Variants in SYT2 observed in about 807,000 individuals in gnomAD.
The protein encoded by SYT2 is synaptotagmin-2.
A neutral mutation model predicts 39.9 loss-of-function variants in SYT2; 15 were observed. The ratio of observed to expected loss-of-function variants is 0.38; its 90% CI spans 0.25 to 0.58. SYT2 has a LOEUF of 0.58. SYT2 is among the 20% of genes least tolerant of loss of function. The pLI, the probability that SYT2 is intolerant of heterozygous loss-of-function variation, is 0.70. For synonymous variants in SYT2, 181 were observed against 204.5 expected, an observed-to-expected ratio of 0.89 and a Z score of 0.98; for missense variants, 389 against 530.3, an observed-to-expected ratio of 0.73 and a Z score of 2.62.
At chr1:202,661,322 C>T (rs1692375281) in intron 1 of SYT2, among the ~76,000 whole-genome samples, 1 of 151,614 alleles carries the variant, frequency 6.6e-6, no homozygotes, top group African/African-American at 2.4e-5. Flanking sequence ...TACTGGGTGG[C>T]ACCTACTGGG....
At chr1:202,675,634 A>C (rs928191754) in intron 1 of SYT2, among the ~76,000 whole-genome samples, 7 of 152,160 alleles carry the variant, frequency 4.6e-5, no homozygotes, top group Non-Finnish European at 8.8e-5. Flanking sequence ...ACCGAGCAGG[A>C]AGAATCCCAG....
intron 2 of SYT2, 85 bp from the exon 3 acceptor site, chr1:202,604,706 AAT>A: frequency 7.3e-7 from 1 of 1,363,044 alleles, no homozygotes; most frequent in Non-Finnish European, 1.0e-6. Context: ...ATGGGTGAGG[AAT>A]ATGACTGCCA....
intron 1 of SYT2, among the ~76,000 whole-genome samples, chr1:202,669,934 T>C (rs1692557779): frequency 1.3e-5 from 2 of 152,052 alleles, no homozygotes; most frequent in Non-Finnish European, 2.9e-5. Flanking sequence ...CTTATCCTCA[T>C]TGGTGTAAAA....
chr1:202,604,425 C>T (rs771233303), intron 3 of SYT2, 30 bp downstream of exon 3: 8 of 1,608,832 alleles, frequency 5.0e-6, no homozygotes, highest in Middle Eastern at 1.6e-4. Context: ...TGAGCCCCTT[C>T]CAGTCCCCCT....
intron 1 of SYT2, chr1:202,630,345 C>G: frequency 3.0e-6 from 3 of 984,702 alleles, no homozygotes; most frequent in Non-Finnish European, 3.6e-6. Context: ...GGAACACAGA[C>G]CCCAATAGAG....
chr1:202,630,941 A>G (rs1277091968), intron 1 of SYT2, among the ~76,000 whole-genome samples: 8 of 152,092 alleles, frequency 5.3e-5, no homozygotes, highest in East Asian at 1.9e-4. Flanking sequence ...GGTGACAAAC[A>G]CTGTGTCCTG....
At chr1:202,684,671 GTC>G (rs1458009446) in intron 1 of SYT2, among the ~76,000 whole-genome samples, 2 of 152,156 alleles carry the variant, frequency 1.3e-5, no homozygotes, top group African/African-American at 4.8e-5. Flanking sequence ...GTCTCTGGGT[GTC>G]TCTGCTCCAA....
intron 1 of SYT2, among the ~76,000 whole-genome samples, chr1:202,690,107 C>CCCACTCTG (rs1350242121): frequency 1.3e-5 from 2 of 152,146 alleles, no homozygotes; most frequent in Non-Finnish European, 2.9e-5. Flanking sequence ...GAGACCTACA[C>CCCACTCTG]CCACTCTGCC....
At chr1:202,648,686 G>A (rs1692136865) in intron 1 of SYT2, among the ~76,000 whole-genome samples, 1 of 152,182 alleles carries the variant, frequency 6.6e-6, no homozygotes, top group South Asian at 2.1e-4. Context: ...GGGCTACCTG[G>A]GGGCTAAAGA....
chr1:202,675,065 C>T (rs1653329702), intron 1 of SYT2, among the ~76,000 whole-genome samples: 1 of 152,140 alleles, frequency 6.6e-6, no homozygotes, highest in Non-Finnish European at 1.5e-5. Flanking sequence ...TTACAGCATC[C>T]CCTGAACAGT....
At chr1:202,639,762 G>C in intron 1 of SYT2, 1 of 985,464 alleles carries the variant, frequency 1.0e-6, no homozygotes, top group South Asian at 4.7e-5. Context: ...CCATGACGAA[G>C]ACTAGAGCAT....
chr1:202,708,375 C>T (rs1441721420), intron 1 of SYT2, among the ~76,000 whole-genome samples: 1 of 151,942 alleles, frequency 6.6e-6, no homozygotes, highest in Non-Finnish European at 1.5e-5. Flanking sequence ...AGAAACTTTC[C>T]TCTGCCTCCC....
intron 1 of SYT2, among the ~76,000 whole-genome samples, chr1:202,619,310 G>A (rs944141969): frequency 2.0e-5 from 3 of 152,168 alleles, no homozygotes; most frequent in Non-Finnish European, 2.9e-5. Flanking sequence ...AGAATCACCC[G>A]AGCAGGAAAG....
chr1:202,650,910 AGC>A (rs1692179122), intron 1 of SYT2, among the ~76,000 whole-genome samples: 1 of 152,056 alleles, frequency 6.6e-6, no homozygotes, highest in Non-Finnish European at 1.5e-5. Flanking sequence ...CAAAGGGAAT[AGC>A]GAGTGCTCCA....
chr1:202,705,907 G>C (rs1469646766), intron 1 of SYT2, among the ~76,000 whole-genome samples: 1 of 152,036 alleles, frequency 6.6e-6, no homozygotes, highest in East Asian at 1.9e-4. Flanking sequence ...TGCCCAGCCT[G>C]CTCTGGAATT....
At chr1:202,681,494 C>T (rs1353905993) in intron 1 of SYT2, among the ~76,000 whole-genome samples, 1 of 152,220 alleles carries the variant, frequency 6.6e-6, no homozygotes, top group Admixed American at 6.5e-5. Flanking sequence ...AGTAAAATAT[C>T]TAAGAGGCTC....
intron 1 of SYT2, chr1:202,632,639 A>G: frequency 4.1e-6 from 4 of 968,878 alleles, no homozygotes; most frequent in Non-Finnish European, 4.9e-6. Flanking sequence ...GCAGGGGAAA[A>G]GAGAAGACAC....
chr1:202,618,505 C>T (rs1221140854), intron 1 of SYT2, among the ~76,000 whole-genome samples: 1 of 152,108 alleles, frequency 6.6e-6, no homozygotes, highest in African/African-American at 2.4e-5. Flanking sequence ...CCCTTCCTCT[C>T]CTCTTGCAGC....
At chr1:202,637,929 C>A (rs1691786459) in intron 1 of SYT2, among the ~76,000 whole-genome samples, 1 of 152,216 alleles carries the variant, frequency 6.6e-6, no homozygotes, top group East Asian at 1.9e-4. Flanking sequence ...GGTAACAAAC[C>A]TAGCTCATTC....
Sources: gnomAD v4.1 joint callset for allele counts (sites outside exome capture counted in the v4.1 genomes callset) on GRCh38, gnomAD v4.1.1 for gene constraint, MANE v1.5 for transcripts, NCBI Gene and HGNC (gene_info 2026-07-23, HGNC 2026-07-21) for gene names.